LEF1: variants seen among roughly 807,000 people sequenced by gnomAD.
The protein encoded by LEF1 is lymphoid enhancer-binding factor 1.
A neutral mutation model predicts 51.2 loss-of-function variants in LEF1; 14 were observed. That is an observed-to-expected ratio of 0.27 (90% confidence interval 0.18 to 0.43). The LOEUF (loss-of-function observed/expected upper bound fraction) is 0.43. Ranked by LOEUF, LEF1 falls within the 20% of genes least tolerant of loss-of-function variation. The probability of loss-of-function intolerance (pLI) is 1.00; values close to 1 mark genes in which losing one functional copy is unlikely to be tolerated. For missense variants in LEF1, 386 were observed against 512.0 expected (o/e 0.75, Z 2.37); for synonymous variants, 185 against 183.2 (o/e 1.01, Z -0.08).
chr4:108,078,026 A>G (rs1309498542), intron 8 of LEF1, among the ~76,000 whole-genome samples, 194 bp downstream of exon 8: 1 of 146,776 alleles, frequency 6.8e-6, no homozygotes, highest in African/African-American at 2.4e-5. Flanking sequence ...AGCTTGGGCA[A>G]CAGAGTGAGA....
chr4:108,137,402 G>C (rs763719743), intron 3 of LEF1, among the ~76,000 whole-genome samples: 1 of 152,144 alleles, frequency 6.6e-6, no homozygotes, highest in Non-Finnish European at 1.5e-5. Flanking sequence ...AATTAAAACA[G>C]AAAGTCCAAG....
chr4:108,073,832 CCTT>C (rs1277057173), intron 8 of LEF1, among the ~76,000 whole-genome samples: 1 of 117,222 alleles, frequency 8.5e-6, no homozygotes, highest in Non-Finnish European at 1.9e-5. Flanking sequence ...AACCCCCCCC[CCTT>C]TTTTTTTTGA....
rs576519555 is a variant in LEF1 at position 108,167,334 on chromosome 4, C to T, written c.213+221G>A. Among the ~76,000 whole-genome samples, 241 of 149,524 alleles carry T rather than the reference C, an allele frequency of 1.6e-3. 1 individual carries two copies. The highest frequency in any genetic ancestry group is 5.7e-3 in the African/African-American group (231 of 40,294). On this transcript the variant is annotated intron_variant, in intron 1 of 11. Transcript: ENST00000265165. This position sits in a 1 kb window ranked among gnomAD's most constrained non-coding sequence, Gnocchi z 5.7. The stretch of plus-strand genomic sequence containing the variant: ...ATCCATTTGGAATAAGTTACCCTGC[C>T]CCTCTACCTCCCATCCTACACACAC...
intron 6 of LEF1, 125 bp from the exon 7 acceptor site, chr4:108,079,739 G>T: frequency 2.3e-6 from 2 of 865,142 alleles, no homozygotes; most frequent in Non-Finnish European, 3.6e-6. Flanking sequence ...ACGCACAGAA[G>T]CATTAACTAT....
At chr4:108,120,201 C>A (rs1406397642) in intron 3 of LEF1, among the ~76,000 whole-genome samples, 1 of 151,748 alleles carries the variant, frequency 6.6e-6, no homozygotes, top group Non-Finnish European at 1.5e-5. Flanking sequence ...CCAGATAATT[C>A]TTTATATTTT....
chr4:108,156,465 A>G (rs928934086), intron 3 of LEF1, among the ~76,000 whole-genome samples: 1 of 152,258 alleles, frequency 6.6e-6, no homozygotes, highest in Non-Finnish European at 1.5e-5. Context: ...TTCACGTAGC[A>G]TTTGGTTTCA....
At chr4:108,166,297 G>A (rs1408216871) in intron 1 of LEF1, 40 of 1,535,690 alleles carry the variant, frequency 2.6e-5, no homozygotes, top group Non-Finnish European at 3.4e-5. Flanking sequence ...AGAGAAGGCA[G>A]ATCTGAGGTG....
At chr4:108,076,927 G>A (rs567446048) in intron 8 of LEF1, among the ~76,000 whole-genome samples, 16 of 150,788 alleles carry the variant, frequency 1.1e-4, no homozygotes, top group South Asian at 4.2e-4. Context: ...CTCAGGAAGC[G>A]GAGGCAGGAG....
intron 3 of LEF1, among the ~76,000 whole-genome samples, chr4:108,148,151 A>G (rs1046960783): frequency 2.0e-5 from 3 of 152,196 alleles, no homozygotes; most frequent in African/African-American, 4.8e-5. Flanking sequence ...ACTCTTACCA[A>G]CCATCAGTTA....
chr4:108,126,324 T>C (rs974924213), intron 3 of LEF1, among the ~76,000 whole-genome samples: 6 of 152,154 alleles, frequency 3.9e-5, no homozygotes, highest in Admixed American at 3.9e-4. Flanking sequence ...CTTAAACTGA[T>C]TACAGAATTT....
At chr4:108,062,924 C>A (rs996675396) in intron 11 of LEF1, among the ~76,000 whole-genome samples, 3 of 151,956 alleles carry the variant, frequency 2.0e-5, no homozygotes, top group Non-Finnish European at 4.4e-5. Flanking sequence ...AAAGACCAAG[C>A]CTTAATTTAC....
At chr4:108,137,257 C>T (rs1391040770) in intron 3 of LEF1, among the ~76,000 whole-genome samples, 2 of 152,046 alleles carry the variant, frequency 1.3e-5, no homozygotes, top group African/African-American at 2.4e-5. Flanking sequence ...ACTTTGGGGA[C>T]TCAGGGGAAA....
intron 8 of LEF1, among the ~76,000 whole-genome samples, chr4:108,072,537 G>T (rs1475677973): frequency 6.6e-6 from 1 of 152,194 alleles, no homozygotes; most frequent in Non-Finnish European, 1.5e-5. Context: ...AATTGCTTTA[G>T]AAGTGCAGAG....
At chr4:108,058,240 G>A (rs1737436141) in intron 11 of LEF1, among the ~76,000 whole-genome samples, 1 of 152,022 alleles carries the variant, frequency 6.6e-6, no homozygotes, top group African/African-American at 2.4e-5. Context: ...ACAACTAAAA[G>A]AAATAAAGTA....
At chr4:108,153,933 A>T (rs1226272132) in intron 3 of LEF1, among the ~76,000 whole-genome samples, 2 of 152,218 alleles carry the variant, frequency 1.3e-5, no homozygotes, top group East Asian at 3.8e-4. Flanking sequence ...ATATATAACA[A>T]GTATTTGTGT....
At chr4:108,082,083 AG>A (rs1739344543) in intron 5 of LEF1, among the ~76,000 whole-genome samples, 1 of 152,222 alleles carries the variant, frequency 6.6e-6, no homozygotes, top group African/African-American at 2.4e-5. Flanking sequence ...AAGGGAAGAA[AG>A]AAGAAAATAA....
chr4:108,048,785 G>A, intron 11 of LEF1, 34 bp from the exon 12 acceptor site: 1 of 1,517,622 alleles, frequency 6.6e-7, no homozygotes. Context: ...CTATTAATAT[G>A]AATTTGCCGT....
In LEF1 at chr4:108,163,610, T is replaced by C. The variant is rs764901242; in HGVS notation, c.372A>G (p.Pro124=). 6 of 1,613,978 alleles carry C rather than the reference T, an allele frequency of 3.7e-6. No individual in the cohort carries two copies. Among genetic ancestry groups the C allele is most frequent in the Non-Finnish European group, 4.2e-6 (5 of 1,179,874 alleles). ...YIMMPNMNND[P]YMSNGSLSPP... is the part of the protein sequence containing the mutation. ...GAGAAAGAGATCCATTTGACATGTA[T>C]GGGTCGTTATTCATATTTGGCATCA... Residue 124 remains proline (P), a synonymous_variant, in exon 3 of 12, where the codon CCA becomes CCG. Transcript: ENST00000265165.
chr4:108,166,334 A>G (rs1745391652), intron 1 of LEF1: 4 of 1,524,982 alleles, frequency 2.6e-6, no homozygotes, highest in Non-Finnish European at 3.5e-6. Flanking sequence ...TTAAAACCCA[A>G]AATGTCCCCG....
Sources: allele counts gnomAD v4.1 joint callset (sites outside exome capture counted in the v4.1 genomes callset), GRCh38; gene constraint gnomAD v4.1.1; non-coding constraint Gnocchi (gnomAD v3.1); transcripts MANE v1.5; gene names NCBI Gene and HGNC (gene_info 2026-07-23, HGNC 2026-07-21).